The following IGLON5 variants were observed in gnomAD, a reference collection of about 807,000 sequenced individuals.
The protein encoded by IGLON5 is Ig-like domain-containing protein ENSP00000270642.
In IGLON5, 16 loss-of-function variants were observed where a neutral mutation model predicts 38.2. The ratio of observed to expected loss-of-function variants is 0.42; its 90% confidence interval spans 0.28 to 0.64. The LOEUF (loss-of-function observed/expected upper bound fraction) is 0.64. IGLON5 is among the 30% of genes least tolerant of loss of function. IGLON5 has a pLI of 0.23. For synonymous variants in IGLON5, 207 were observed against 216.4 expected (o/e 0.96, Z 0.38); for missense variants, 366 against 483.4 (o/e 0.76, Z 2.28).
At position 51,327,126 on chromosome 19, in the gene IGLON5, C is replaced by T; in HGVS notation, c.693C>T (p.Gly231=). 6.2e-7 allele frequency: 1 copy of T among 1,611,742 alleles called. No individual in the cohort carries two copies. Among genetic ancestry groups the T allele is most frequent in the Non-Finnish European group, 8.5e-7 (1 of 1,179,466 alleles). Reference sequence around the variant, plus strand: ...TGACCAGCGCCCGCACCGCGCTGGGCCGGGCCGCCCTCCTGCGCTGCGAAG... The same window carrying T: ...TGACCAGCGCCCGCACCGCGCTGGGTCGGGCCGCCCTCCTGCGCTGCGAAG... ...TDVTSARTAL[G]RAALLRCEAM... is the part of the protein sequence containing the mutation. The change falls in exon 6 of 8, where the codon GGC becomes GGT. Residue 231 remains glycine (G), a synonymous_variant. Coordinates refer to ENST00000270642, the MANE Select transcript of IGLON5 (RefSeq NM_001101372.3). The surrounding 1 kb of genome is among the most constrained non-coding windows in gnomAD (Gnocchi z 7.1).
Position 51,327,738 on chromosome 19 carries a change from C to A in IGLON5, c.774C>A (p.Ser258Arg). 1 of 1,572,460 alleles carries A rather than the reference C, an allele frequency of 6.4e-7. No individual in the cohort carries two copies. Among genetic ancestry groups the A allele is most frequent in the East Asian group, 2.4e-5 (1 of 42,532 alleles). ...TGACCCGGATCCCTGGCAGGCTGAG[C>A]AGCGGCACGGCCGAAGGCCTGAAGG... ...FQWYKDDRLL[S>R]SGTAEGLKVQ... Residue 258 changes from serine (S) to arginine (R), a missense_variant, in exon 7 of 8, where the codon AGC becomes AGA. Coordinates refer to ENST00000270642, the MANE Select transcript of IGLON5 (RefSeq NM_001101372.3). The surrounding 1 kb of genome is among the most constrained non-coding windows in gnomAD (Gnocchi z 7.1).
rs1295124118 is a variant in IGLON5, at chr19:51,327,732, G to A, written c.768G>A (p.Leu256=). ...ADFQWYKDDR[L]LSSGTAEGLK... ...GGCCCCTGACCCGGATCCCTGGCAG[G>A]CTGAGCAGCGGCACGGCCGAAGGCC... Residue 256 remains leucine, a splice_region_variant and synonymous_variant, in exon 7 of 8, where the codon CTG becomes CTA. Coordinates refer to ENST00000270642, the MANE Select transcript of IGLON5 (RefSeq NM_001101372.3). The surrounding 1 kb of genome is among the most constrained non-coding windows in gnomAD (Gnocchi z 7.1). 1.3e-6 allele frequency: 2 copies of A among 1,569,062 alleles called. No individual in the cohort carries two copies. The highest frequency in any genetic ancestry group is 2.3e-5 in the South Asian group (2 of 85,458).
chr19:51,328,641 C>A, intron 7 of IGLON5, 30 bp from the exon 8 acceptor site: 1 of 1,449,126 alleles, frequency 6.9e-7, no homozygotes, highest in Non-Finnish European at 9.3e-7. Flanking sequence ...ACTCTCAGGC[C>A]TCCCTCCATG....
chr19:51,325,195 C>T lies in IGLON5; in HGVS notation c.392-151C>T. 1.8e-6 allele frequency: 2 copies of T among 1,104,088 alleles called. No homozygotes were observed. The highest frequency in any genetic ancestry group is 1.5e-5 in the South Asian group (1 of 67,514). The allele number at this position is 1,104,088 out of a possible 1,614,324, so 68.4% of individuals were successfully genotyped here. ...GAAGAGGAACTGCGGGTCTGAACTC[C>T]CGGGTCTGAGGGAGGAGGGGCTGGG... On this transcript the variant is annotated intron_variant, in intron 3 of 7. Transcript: ENST00000270642. This position sits in a 1 kb window ranked among gnomAD's most constrained non-coding sequence, Gnocchi z 5.5.
chr19:51,320,062 C>T (rs1184886360), intron 1 of IGLON5, among the ~76,000 whole-genome samples: 4 of 152,070 alleles, frequency 2.6e-5, no homozygotes, highest in Admixed American at 6.5e-5. Flanking sequence ...CGCGTGCACG[C>T]GTGCATCCAT....
chr19:51,324,554 T>G lies in IGLON5; in HGVS notation c.391+660T>G, dbSNP rs1481765960. Among the ~76,000 whole-genome samples, 1 of 152,108 alleles carries G rather than the reference T, an allele frequency of 6.6e-6. No individual in the cohort carries two copies. The highest frequency in any genetic ancestry group is 1.5e-5 in the Non-Finnish European group (1 of 68,018). Reference sequence around the variant, plus strand: ...GCAAGCTCCAACTCTGGAGCCAGACTGCCTGGGTTCCAACCTCAGTGCCAC... The same window carrying G: ...GCAAGCTCCAACTCTGGAGCCAGACGGCCTGGGTTCCAACCTCAGTGCCAC... On this transcript the variant is annotated intron_variant, in intron 3 of 7. Transcript: ENST00000270642. The surrounding 1 kb of genome is among the most constrained non-coding windows in gnomAD (Gnocchi z 4.2).
In IGLON5 at chr19:51,328,655, C is replaced by A; in HGVS notation, c.923-16C>A. 1 of 1,536,168 alleles carries A rather than the reference C, an allele frequency of 6.5e-7. No individual in the cohort carries two copies. Among genetic ancestry groups the A allele is most frequent in the Non-Finnish European group, 8.8e-7 (1 of 1,135,988 alleles). On this transcript the variant is annotated splice_polypyrimidine_tract_variant and intron_variant, in intron 7 of 7. Coordinates refer to ENST00000270642, the MANE Select transcript of IGLON5 (RefSeq NM_001101372.3). ...CACTCTCAGGCCTCCCTCCATGACC[C>A]CTTCTCTTCCCCCAGGCCCAGGATC...
chr19:51,328,562 C>T, intron 7 of IGLON5, 109 bp from the exon 8 acceptor site: 1 of 512,608 alleles, frequency 2.0e-6, no homozygotes, highest in Non-Finnish European at 3.5e-6. Flanking sequence ...AATGAGAGAT[C>T]CAGAAAGGAC....
chr19:51,317,584 G>C (rs183038595), intron 1 of IGLON5, among the ~76,000 whole-genome samples: 23 of 152,292 alleles, frequency 1.5e-4, no homozygotes, highest in Admixed American at 5.9e-4. Flanking sequence ...TGTCTGCCCA[G>C]GAGTCAGTGA....
intron 2 of IGLON5, 54 bp downstream of exon 2, chr19:51,322,196 C>A: frequency 7.2e-7 from 1 of 1,391,722 alleles, no homozygotes; most frequent in South Asian, 1.2e-5. Context: ...GCGGTCCTGC[C>A]CCTTCACCTT....
chr19:51,326,702 G>C, intron 4 of IGLON5, 62 bp from the exon 5 acceptor site: 3 of 1,164,578 alleles, frequency 2.6e-6, no homozygotes, highest in Non-Finnish European at 2.3e-6. Flanking sequence ...TGTTGTGCCC[G>C]TGTTGTCCCG....
intron 2 of IGLON5, 67 bp downstream of exon 2, chr19:51,322,209 T>C: frequency 7.8e-7 from 1 of 1,275,950 alleles, no homozygotes; most frequent in African/African-American, 1.5e-5. Flanking sequence ...TTCACCTTCC[T>C]GGGTGGGGAT....
intron 1 of IGLON5, among the ~76,000 whole-genome samples, chr19:51,320,033 ATG>A (rs59294317): frequency 0.023 from 3,485 of 151,324 alleles, 66 homozygotes; most frequent in African/African-American, 0.05. Context: ...CTGTGTGTGT[ATG>A]TGTGTGTGTG....
chr19:51,317,812 C>A (rs564892037), intron 1 of IGLON5, among the ~76,000 whole-genome samples: 1 of 152,196 alleles, frequency 6.6e-6, no homozygotes, highest in Non-Finnish European at 1.5e-5. Context: ...TCACAGAAAC[C>A]CTTGCAGGGA....
chr19:51,311,705 GCCCCCTCCCC>G lies in IGLON5; in HGVS notation c.-140_-131del, dbSNP rs1984763458. 1 of 63,788 alleles carries G rather than the reference GCCCCCTCCCC, an allele frequency of 1.6e-5. No individual in the cohort carries two copies. The allele number at this position is 63,788 out of a possible 1,614,324, so 4.0% of individuals were successfully genotyped here. A position where few individuals can be genotyped will look rare whatever the true frequency, so the allele number is the denominator to read the frequency against. On this transcript the variant is annotated 5_prime_UTR_variant, in exon 1 of 8. Transcript: ENST00000270642. ...CCAGCCGCCTCGTCGCGCCCCCCCA[GCCCCCTCCCC>G]CCGCCCCCGCCGCCCCCCGGGCCGG...
intron 1 of IGLON5, among the ~76,000 whole-genome samples, chr19:51,317,472 C>T (rs1291527715): frequency 6.6e-6 from 1 of 152,206 alleles, no homozygotes; most frequent in Non-Finnish European, 1.5e-5. Flanking sequence ...TGTGGCTCAG[C>T]AGCAGAGCTG....
Position 51,322,084 on chromosome 19 carries a change from G to A in IGLON5, c.100G>A (p.Glu34Lys), listed in dbSNP as rs765288885. Residue 34 changes from glutamate to lysine, a missense_variant, in exon 2 of 8, where the codon GAG becomes AAG. Physicochemically the swap from Glu to Lys is moderately conservative, Grantham distance 56. Coordinates refer to ENST00000270642, the MANE Select transcript of IGLON5 (RefSeq NM_001101372.3). ...CACAGGGCTGCTCTCCCAGAGCCTG[G>A]AGTTCAACTCTCCTGCCGACAACTA... ...ISRGLLSQSL[E>K]FNSPADNYTV... 1 of 1,613,342 alleles carries A rather than the reference G, an allele frequency of 6.2e-7. No individual in the cohort carries two copies. The highest frequency in any genetic ancestry group is 8.5e-7 in the Non-Finnish European group (1 of 1,179,852).
intron 5 of IGLON5, 72 bp downstream of exon 5, chr19:51,326,970 A>C (rs925158830): frequency 3.2e-6 from 5 of 1,572,510 alleles, no homozygotes; most frequent in Non-Finnish European, 4.3e-6. Context: ...GATCTGGGGG[A>C]AGAGGAAGCG....
chr19:51,320,533 A>G (rs553494547), intron 1 of IGLON5, among the ~76,000 whole-genome samples: 1 of 152,314 alleles, frequency 6.6e-6, no homozygotes, highest in East Asian at 1.9e-4. Context: ...CACGGTCTAC[A>G]GAGAGATGAC....
Sources: allele counts gnomAD v4.1 joint callset (sites outside exome capture counted in the v4.1 genomes callset), GRCh38; gene constraint gnomAD v4.1.1; non-coding constraint Gnocchi (gnomAD v3.1); transcripts MANE v1.5; gene names NCBI Gene and HGNC (gene_info 2026-07-23, HGNC 2026-07-21).